TMEM132B: variants seen among roughly 807,000 people sequenced by gnomAD.
The protein encoded by TMEM132B is transmembrane protein 132B.
TMEM132B carries 18 observed loss-of-function variants against 90.8 expected under a neutral mutation model. The ratio of observed to expected loss-of-function variants is 0.20; its 90% CI spans 0.14 to 0.29. The LOEUF (loss-of-function observed/expected upper bound fraction) is 0.29. Ranked by LOEUF, TMEM132B falls within the 10% of genes least tolerant of loss-of-function variation. TMEM132B has a pLI of 1.00. For synonymous variants in TMEM132B, 504 were observed against 523.3 expected (o/e 0.96, Z 0.50); for missense variants, 1,096 against 1,326.8 (o/e 0.83, Z 2.70).
chr12:125,633,763 T>C (rs988361046), intron 5 of TMEM132B, among the ~76,000 whole-genome samples: 1 of 152,232 alleles, frequency 6.6e-6, no homozygotes, highest in African/African-American at 2.4e-5. Flanking sequence ...CCTTACTTTC[T>C]TCCAAACAAA....
rs540978106 is a variant in TMEM132B, at chr12:125,258,021, A to C, written c.67+71155A>C. On this transcript the variant is annotated intron_variant, in intron 1 of 8. Coordinates refer to ENST00000682704, the MANE Select transcript of TMEM132B (RefSeq NM_001366854.1). ...AGCACAATTTGTTACAGCAGCTATA[A>C]GACACTGATGCTATGGTTTTTAAAC... 2.0e-5 allele frequency among the ~76,000 whole-genome samples: 3 copies of C among 152,350 alleles called. No homozygotes were observed. In the South Asian group the frequency reaches 6.2e-4, roughly 32 times the overall value.
chr12:125,573,577 C>A (rs913261437), intron 4 of TMEM132B, among the ~76,000 whole-genome samples: 2 of 152,162 alleles, frequency 1.3e-5, no homozygotes, highest in Non-Finnish European at 2.9e-5. Flanking sequence ...CTTGTGACTC[C>A]TAAATTTTAA....
At chr12:125,523,573 A>G (rs1422078867) in intron 4 of TMEM132B, among the ~76,000 whole-genome samples, 1 of 152,124 alleles carries the variant, frequency 6.6e-6, no homozygotes, top group African/African-American at 2.4e-5. Flanking sequence ...TTCTGGGATT[A>G]GGACGTGGAC....
chr12:125,555,374 A>G (rs2136774425), intron 4 of TMEM132B, among the ~76,000 whole-genome samples: 1 of 152,108 alleles, frequency 6.6e-6, no homozygotes, highest in South Asian at 2.1e-4. Context: ...GGATGTTAAA[A>G]TGTGGCCCAG....
chr12:125,232,462 T>C (rs571269426), intron 1 of TMEM132B, among the ~76,000 whole-genome samples: 1 of 152,346 alleles, frequency 6.6e-6, no homozygotes, highest in Non-Finnish European at 1.5e-5. Context: ...TACCTTTTTT[T>C]TTTTGAGACA....
intron 5 of TMEM132B, among the ~76,000 whole-genome samples, chr12:125,592,553 GT>G (rs1885339715): frequency 1.3e-5 from 2 of 152,106 alleles, no homozygotes; most frequent in Admixed American, 1.3e-4. Flanking sequence ...AAAAACTAAA[GT>G]TTTTGCTGTT....
intron 1 of TMEM132B, among the ~76,000 whole-genome samples, chr12:125,211,068 C>CA (rs11342320): frequency 1.5e-3 from 195 of 129,720 alleles, no homozygotes; most frequent in Middle Eastern, 7.4e-3. Flanking sequence ...GACTCCATCT[C>CA]AAAAAAAAAA....
chr12:125,356,015 C>G (rs917802238), intron 2 of TMEM132B, among the ~76,000 whole-genome samples: 1 of 152,056 alleles, frequency 6.6e-6, no homozygotes, highest in African/African-American at 2.4e-5. Flanking sequence ...GGGCTGGTGG[C>G]AGGGAAGTGC....
chr12:125,386,492 A>G (rs1393055200), intron 2 of TMEM132B, among the ~76,000 whole-genome samples: 3 of 152,246 alleles, frequency 2.0e-5, no homozygotes, highest in East Asian at 1.9e-4. Context: ...AAAAATACCT[A>G]TCACACATGA....
At chr12:125,301,729 A>T (rs1270221729) in intron 1 of TMEM132B, 1 of 152,034 alleles carries the variant, frequency 6.6e-6, no homozygotes, top group African/African-American at 2.4e-5. Context: ...AATACAAAAA[A>T]GTAGCCGGGC....
chr12:125,335,782 T>C (rs941112636), intron 1 of TMEM132B, among the ~76,000 whole-genome samples: 3 of 151,976 alleles, frequency 2.0e-5, no homozygotes, highest in Middle Eastern at 3.2e-3. Flanking sequence ...AGATCAGGAG[T>C]TCAGGACCAG....
intron 4 of TMEM132B, among the ~76,000 whole-genome samples, chr12:125,568,925 CA>C (rs1884724657): frequency 6.6e-6 from 1 of 152,138 alleles, no homozygotes; most frequent in Non-Finnish European, 1.5e-5. Flanking sequence ...ATGACCACAG[CA>C]ATTGTATCCT....
intron 3 of TMEM132B, among the ~76,000 whole-genome samples, chr12:125,482,935 G>A (rs1882087906): frequency 6.6e-6 from 1 of 152,172 alleles, no homozygotes; most frequent in African/African-American, 2.4e-5. Context: ...ATGAGTTCAT[G>A]TCCTTTGTAG....
chr12:125,319,113 G>A (rs1469749937), intron 1 of TMEM132B, among the ~76,000 whole-genome samples: 1 of 152,214 alleles, frequency 6.6e-6, no homozygotes, highest in African/African-American at 2.4e-5. Flanking sequence ...TTGGATAAGA[G>A]TTGTGTCCTC....
chr12:125,287,682 C>T (rs950347893), intron 1 of TMEM132B, among the ~76,000 whole-genome samples: 1 of 152,228 alleles, frequency 6.6e-6, no homozygotes, highest in Non-Finnish European at 1.5e-5. Context: ...CATAGTCTCT[C>T]TCCAAAGGTA....
rs1885533546 is a variant in TMEM132B, at chr12:125,599,964, T to G, written c.1437+15970T>G. Among the ~76,000 whole-genome samples, 6 of 152,060 alleles carry G rather than the reference T, an allele frequency of 3.9e-5. No individual in the cohort carries two copies. The South Asian group carries it at 1.2e-3, about 32-fold the overall frequency. ...AGCACAGCTCTCTGGCAGAGGTGCA[T>G]AGGTAATAAGGGATGAGTTAGGAGG... On this transcript the variant is annotated intron_variant, in intron 5 of 8. Coordinates refer to ENST00000682704, the MANE Select transcript of TMEM132B (RefSeq NM_001366854.1).
At chr12:125,639,589 T>C (rs1886577176) in intron 5 of TMEM132B, among the ~76,000 whole-genome samples, 2 of 152,130 alleles carry the variant, frequency 1.3e-5, no homozygotes, top group African/African-American at 4.8e-5. Context: ...CCAGGAGCAT[T>C]AGGAGAGTGG....
chr12:125,401,628 C>A (rs1172848626), intron 2 of TMEM132B, among the ~76,000 whole-genome samples: 2 of 152,034 alleles, frequency 1.3e-5, no homozygotes, highest in African/African-American at 4.8e-5. Flanking sequence ...CCACGAGGAG[C>A]CAGTGTTCTG....
In TMEM132B at chr12:125,654,563, C is replaced by G; in HGVS notation, c.3105C>G (p.Thr1035=). 1 of 1,614,124 alleles carries G rather than the reference C, an allele frequency of 6.2e-7. No homozygotes were observed. The part of the protein sequence containing the change: ...KRKRVKFTSY[T]TILPEDGGPY... ...AGAGAGTCAAGTTCACTTCCTACAC[C>G]ACCATCCTCCCAGAGGACGGCGGCC... Residue 1035 remains threonine (T), a synonymous_variant, in exon 9 of 9, where the codon ACC becomes ACG. Transcript: ENST00000682704. The surrounding 1 kb of genome is among the most constrained non-coding windows in gnomAD (Gnocchi z 5.8).
Sources: allele counts gnomAD v4.1 joint callset (sites outside exome capture counted in the v4.1 genomes callset), GRCh38; gene constraint gnomAD v4.1.1; non-coding constraint Gnocchi (gnomAD v3.1); transcripts MANE v1.5; gene names NCBI Gene and HGNC (gene_info 2026-07-23, HGNC 2026-07-21).